The following FRMD4A variants were observed in gnomAD, a reference collection of about 807,000 sequenced individuals.
FRMD4A encodes the protein FERM domain-containing protein 4A.
A neutral mutation model predicts 129.1 loss-of-function variants in FRMD4A; 29 were observed. The observed-to-expected ratio is 0.22, with a 90% CI of 0.17 to 0.31. FRMD4A has a LOEUF of 0.31. Ranked by LOEUF, FRMD4A falls within the 10% of genes least tolerant of loss-of-function variation. The pLI is 1.00. For synonymous variants in FRMD4A, 634 were observed against 571.6 expected (o/e 1.11, Z -1.56); for missense variants, 1,272 against 1,375.8 (o/e 0.92, Z 1.19).
rs1414373637 is a variant in FRMD4A at position 13,782,941 on chromosome 10, G to A, written c.365C>T (p.Ala122Val). 2.7e-6 allele frequency: 4 copies of A among 1,468,938 alleles called. No homozygotes were observed. The highest frequency in any genetic ancestry group is 1.1e-5 in the South Asian group (1 of 88,104). The allele number at this position is 1,468,938 out of a possible 1,614,324, so 91.0% of individuals were successfully genotyped here. A position where few individuals can be genotyped will look rare whatever the true frequency, so the allele number is the denominator to read the frequency against. Reference protein sequence around the residue: ...NATIELFFLNAKSCIYKELID... With the variant: ...NATIELFFLNVKSCIYKELID... ...TCCTACCTTGTAGATGCAGGACTTCGCGTTCAGAAAGAAAAGCTCAATGGT... is the reference window on the plus strand; with the variant it reads ...TCCTACCTTGTAGATGCAGGACTTCACGTTCAGAAAGAAAAGCTCAATGGT... The change falls in exon 6 of 25, where the codon GCG (alanine) becomes GTG (valine). Residue 122 changes from alanine to valine, a missense_variant. Ala to Val is a moderately conservative substitution (Grantham distance 64). Coordinates refer to ENST00000357447, the MANE Select transcript of FRMD4A (RefSeq NM_018027.5).
intron 2 of FRMD4A, among the ~76,000 whole-genome samples, chr10:14,038,630 C>G (rs530335023): frequency 6.6e-6 from 1 of 152,200 alleles, no homozygotes; most frequent in African/African-American, 2.4e-5. Context: ...TACTCACGCT[C>G]AAATCTACCA....
intron 15 of FRMD4A, among the ~76,000 whole-genome samples, chr10:13,680,850 C>T (rs1259369677): frequency 6.6e-6 from 1 of 152,112 alleles, no homozygotes; most frequent in Non-Finnish European, 1.5e-5. Context: ...AGTTCAAGAC[C>T]AGCCTGGCCA....
chr10:14,024,513 C>T (rs551028081), intron 2 of FRMD4A, among the ~76,000 whole-genome samples: 1 of 152,340 alleles, frequency 6.6e-6, no homozygotes, highest in African/African-American at 2.4e-5. Flanking sequence ...AATTTGATCA[C>T]AAGGCAGGGT....
chr10:14,177,132 C>T (rs1395614946), intron 2 of FRMD4A, among the ~76,000 whole-genome samples: 1 of 152,170 alleles, frequency 6.6e-6, no homozygotes, highest in Non-Finnish European at 1.5e-5. Context: ...ACTGTTTGTG[C>T]CCTTTCTAAA....
intron 13 of FRMD4A, among the ~76,000 whole-genome samples, chr10:13,704,631 C>A (rs188620346): frequency 6.6e-6 from 1 of 152,168 alleles, no homozygotes; most frequent in East Asian, 1.9e-4. Flanking sequence ...TGGCCCACGA[C>A]GTCTGGCCCT....
At chr10:14,084,764 C>T (rs1836161498) in intron 2 of FRMD4A, among the ~76,000 whole-genome samples, 1 of 152,156 alleles carries the variant, frequency 6.6e-6, no homozygotes, top group Non-Finnish European at 1.5e-5. Context: ...GCCCACGGGA[C>T]ATATTTGAAC....
chr10:13,836,199 T>C (rs1300550596), intron 3 of FRMD4A, among the ~76,000 whole-genome samples: 1 of 152,188 alleles, frequency 6.6e-6, no homozygotes, highest in African/African-American at 2.4e-5. Context: ...GGTTTTGCCA[T>C]GTTGGCCAGG....
At chr10:14,292,445 A>G (rs1045422666) in intron 2 of FRMD4A, among the ~76,000 whole-genome samples, 3 of 152,196 alleles carry the variant, frequency 2.0e-5, no homozygotes, top group Non-Finnish European at 4.4e-5. Flanking sequence ...AAAAACCTTA[A>G]ATGGCATATC....
chr10:14,094,078 A>G (rs1194136235), intron 2 of FRMD4A, among the ~76,000 whole-genome samples: 2 of 152,272 alleles, frequency 1.3e-5, no homozygotes, highest in East Asian at 1.9e-4. Flanking sequence ...AGCAGAACAC[A>G]TTAACAAAGC....
In FRMD4A at chr10:13,895,082, C is replaced by A. The variant is rs575217155; in HGVS notation, c.46-36170G>T. Among the ~76,000 whole-genome samples, 64 of 152,256 alleles carry A rather than the reference C, an allele frequency of 4.2e-4. 1 individual carries two copies. In the South Asian group the frequency reaches 0.012, roughly 30 times the overall value. The stretch of plus-strand genomic sequence containing the variant: ...CTGAATAAGCATAAACCTTTTGGGG[C>A]TTTTTAAAAAAGTTGTATTTAAGTT... On this transcript the variant is annotated intron_variant, in intron 2 of 24. Coordinates refer to ENST00000357447, the MANE Select transcript of FRMD4A (RefSeq NM_018027.5).
At chr10:14,329,703 C>A (rs1370399924) in intron 2 of FRMD4A, among the ~76,000 whole-genome samples, 2 of 152,142 alleles carry the variant, frequency 1.3e-5, no homozygotes, top group African/African-American at 4.8e-5. Flanking sequence ...TATCCAAAAA[C>A]AAACACAATC....
intron 2 of FRMD4A, among the ~76,000 whole-genome samples, chr10:14,240,582 G>A (rs1421155717): frequency 6.6e-6 from 1 of 152,010 alleles, no homozygotes; most frequent in Non-Finnish European, 1.5e-5. Flanking sequence ...CTGGAGATTC[G>A]GATCCCCTCA....
intron 2 of FRMD4A, among the ~76,000 whole-genome samples, chr10:14,065,765 T>C (rs926658518): frequency 4.6e-5 from 7 of 152,162 alleles, no homozygotes; most frequent in African/African-American, 1.4e-4. Flanking sequence ...CCCACTCTCA[T>C]GAAAGAAGAC....
chr10:13,853,358 G>C (rs1388859584), intron 3 of FRMD4A, among the ~76,000 whole-genome samples: 1 of 152,222 alleles, frequency 6.6e-6, no homozygotes, highest in African/African-American at 2.4e-5. Flanking sequence ...ACCAGCCTGG[G>C]CAGCAGAGGG....
At chr10:14,235,684 C>A (rs2131995049) in intron 2 of FRMD4A, among the ~76,000 whole-genome samples, 1 of 152,334 alleles carries the variant, frequency 6.6e-6, no homozygotes, top group Admixed American at 6.5e-5. Context: ...GACTCTCCAG[C>A]GGCTTAAGAC....
At chr10:13,774,760 A>C (rs564666276) in intron 6 of FRMD4A, among the ~76,000 whole-genome samples, 2 of 152,320 alleles carry the variant, frequency 1.3e-5, no homozygotes, top group South Asian at 4.1e-4. Flanking sequence ...GCCAGCAGAC[A>C]ACTGAGGAAG....
Position 13,972,346 on chromosome 10 carries a change from A to G in FRMD4A, c.46-113434T>C, listed in dbSNP as rs977878091. ...TCCACAAGGTCAAGCAAAAAGTCCC[A>G]TTCTGTAGCAGCACTGGAGAAATTG... On this transcript the variant is annotated intron_variant, in intron 2 of 24. Coordinates refer to ENST00000357447, the MANE Select transcript of FRMD4A (RefSeq NM_018027.5). 3.5e-5 allele frequency: 34 copies of G among 984,642 alleles called. No individual in the cohort carries two copies. The Admixed American group carries it at 6.1e-4, about 18-fold the overall frequency. 61.0% of individuals were successfully genotyped at this position (984,642 alleles called of 1,614,324 possible). A position where few individuals can be genotyped will look rare whatever the true frequency, so the allele number is the denominator to read the frequency against.
chr10:13,770,730 T>G (rs541996235), intron 6 of FRMD4A, among the ~76,000 whole-genome samples: 8 of 152,134 alleles, frequency 5.3e-5, no homozygotes, highest in Non-Finnish European at 1.0e-4. Flanking sequence ...AGCTGTGAGC[T>G]ACTGATTCCT....
intron 2 of FRMD4A, among the ~76,000 whole-genome samples, chr10:14,317,756 GAA>G (rs66793271): frequency 1.6e-5 from 2 of 123,368 alleles, no homozygotes; most frequent in Admixed American, 8.6e-5. Context: ...ACAAGAGACG[GAA>G]AAAAAAAAAA....
Sources: gnomAD v4.1 joint callset for allele counts (sites outside exome capture counted in the v4.1 genomes callset) on GRCh38, gnomAD v4.1.1 for gene constraint, MANE v1.5 for transcripts, NCBI Gene and HGNC (gene_info 2026-07-23, HGNC 2026-07-21) for gene names.